Variants in RBBP8NL observed in about 807,000 individuals in gnomAD.
RBBP8NL encodes the protein RBBP8 N-terminal like, also known as RBBP8 N-terminal-like protein.
A neutral mutation model predicts 62.2 loss-of-function variants in RBBP8NL; 59 were observed. That is an observed-to-expected ratio of 0.95 (90% CI 0.77 to 1.18). RBBP8NL has a LOEUF of 1.18. Among genes scored for constraint, RBBP8NL ranks in the 50% most tolerant of loss-of-function variants. The pLI is 0.00. For missense variants in RBBP8NL, 896 were observed against 899.5 expected (o/e 1.00, Z 0.05); for synonymous variants, 412 against 394.1 (o/e 1.05, Z -0.54).
At chr20:62,424,816 A>G (rs1988773327) in intron 1 of RBBP8NL, among the ~76,000 whole-genome samples, 2 of 151,822 alleles carry the variant, frequency 1.3e-5, no homozygotes, top group African/African-American at 4.8e-5. Flanking sequence ...GGCCACTCAG[A>G]GGGGGCAGAG....
chr20:62,414,012 A>C lies in RBBP8NL; in HGVS notation c.1339T>G (p.Trp447Gly). ...ALDKPLDLSE[W>G]GRARGQDTPK... ...GTGTCCTGGCCCCGGGCCCGGCCCC[A>C]CTCCGAGAGGTCCAGGGGCTTGTCT... Residue 447 changes from tryptophan to glycine, a missense_variant, in exon 10 of 14, where the codon TGG becomes GGG. Trp to Gly is a radical substitution (Grantham distance 184, BLOSUM62 -2). Coordinates refer to ENST00000252998, the MANE Select transcript of RBBP8NL (RefSeq NM_080833.3). The C allele has an allele frequency of 2.5e-6, 4 of 1,579,830 alleles. No homozygotes were observed. The highest frequency in any genetic ancestry group is 3.4e-6 in the Non-Finnish European group (4 of 1,163,558).
intron 1 of RBBP8NL, among the ~76,000 whole-genome samples, chr20:62,423,333 T>G (rs1256155632): frequency 1.3e-5 from 2 of 152,180 alleles, no homozygotes; most frequent in Non-Finnish European, 2.9e-5. Context: ...TGGGTCTGCA[T>G]GCTCTGCCTG....
chr20:62,411,049 A>C, intron 13 of RBBP8NL, 53 bp from the exon 14 acceptor site: 1 of 1,246,360 alleles, frequency 8.0e-7, no homozygotes, highest in Non-Finnish European at 1.2e-6. Flanking sequence ...CCTTTGAGGC[A>C]ACACTGGCTC....
intron 5 of RBBP8NL, 58 bp from the exon 6 acceptor site, chr20:62,416,294 T>TGGGGTGGGGGGGGAGTGGGGCGGGGGG: frequency 1.9e-6 from 1 of 515,308 alleles, no homozygotes; most frequent in Non-Finnish European, 3.8e-6. Flanking sequence ...GGGGCAGGGG[T>TGGGGTGGGGGGGGAGTGGGGCGGGGGG]GGGGTCGTCA....
chr20:62,419,622 T>C lies in RBBP8NL; in HGVS notation c.26A>G (p.Asn9Ser). ...CTTCTCGTGGATCTCCTTCAGCCTG[T>C]TCAGCGACTCCATGAAGCTCTCCAT... MESFMESL[N>S]RLKEIHEKEV... The change falls in exon 2 of 14, where the codon AAC (asparagine) becomes AGC (serine). Residue 9 changes from asparagine (N) to serine (S), a missense_variant. Transcript: ENST00000252998. 6.2e-7 allele frequency: 1 copy of C among 1,613,536 alleles called. No individual in the cohort carries two copies. The highest frequency in any genetic ancestry group is 8.5e-7 in the Non-Finnish European group (1 of 1,179,932).
chr20:62,413,094 T>C (rs932104553), intron 11 of RBBP8NL, among the ~76,000 whole-genome samples, 194 bp from the exon 12 acceptor site: 1 of 152,262 alleles, frequency 6.6e-6, no homozygotes, highest in African/African-American at 2.4e-5. Flanking sequence ...TCCCCATCAG[T>C]TGGGGTTCCC....
intron 10 of RBBP8NL, 67 bp downstream of exon 10, chr20:62,413,754 G>A (rs559278199): frequency 2.0e-6 from 3 of 1,510,160 alleles, no homozygotes; most frequent in East Asian, 4.6e-5. Flanking sequence ...GGTCTGGGGG[G>A]AGGCCGGCCC....
chr20:62,426,143 CAGT>C (rs1294792219), intron 1 of RBBP8NL, among the ~76,000 whole-genome samples: 1 of 151,436 alleles, frequency 6.6e-6, no homozygotes, highest in African/African-American at 2.4e-5. Flanking sequence ...GCAGTGGTAG[CAGT>C]AGCAGTGGCA....
chr20:62,419,550 C>A (rs1442071533), intron 2 of RBBP8NL, 37 bp downstream of exon 2: 4 of 1,598,116 alleles, frequency 2.5e-6, no homozygotes, highest in African/African-American at 1.3e-5. Flanking sequence ...GCTGTGGAGA[C>A]CCCTCCCTAG....
At chr20:62,416,736 G>C in intron 5 of RBBP8NL, 24 bp downstream of exon 5, 1 of 1,523,626 alleles carries the variant, frequency 6.6e-7, no homozygotes, top group East Asian at 2.4e-5. Context: ...AGAGGACCCC[G>C]GTTGTCTGGT....
chr20:62,416,886 G>A lies in RBBP8NL; in HGVS notation c.201-14C>T. 1 of 1,536,152 alleles carries A rather than the reference G, an allele frequency of 6.5e-7. No homozygotes were observed. The highest frequency in any genetic ancestry group is 8.8e-7 in the Non-Finnish European group (1 of 1,138,898). On this transcript the variant is annotated splice_polypyrimidine_tract_variant and intron_variant, in intron 4 of 13. Coordinates refer to ENST00000252998, the MANE Select transcript of RBBP8NL (RefSeq NM_080833.3). ...CCGGCCCGCAGCCTGCAGGGATGGG[G>A]ACGCAGGGGGTGTGAGGGATGGCAC...
chr20:62,424,536 C>T (rs979243201), intron 1 of RBBP8NL, among the ~76,000 whole-genome samples: 2 of 152,156 alleles, frequency 1.3e-5, no homozygotes, highest in Admixed American at 1.3e-4. Flanking sequence ...CTCCTTAAAA[C>T]CAAGGGGCGA....
At chr20:62,414,689 T>A in intron 9 of RBBP8NL, 133 bp from the exon 10 acceptor site, 1 of 1,053,726 alleles carries the variant, frequency 9.5e-7, no homozygotes, top group Non-Finnish European at 1.3e-6. Flanking sequence ...TGCAGCAAGC[T>A]GCATGGGTCC....
chr20:62,415,368 C>T, intron 8 of RBBP8NL, 81 bp from the exon 9 acceptor site: 1 of 1,466,140 alleles, frequency 6.8e-7, no homozygotes, highest in South Asian at 1.3e-5. Flanking sequence ...TGCTGCCTGC[C>T]CTGGGCTGCT....
intron 11 of RBBP8NL, 82 bp from the exon 12 acceptor site, chr20:62,412,982 C>T (rs1988470279): frequency 6.7e-7 from 1 of 1,491,034 alleles, no homozygotes. Context: ...ATGGGTGGAG[C>T]CAACTCTGCA....
intron 2 of RBBP8NL, among the ~76,000 whole-genome samples, chr20:62,418,983 C>T (rs988509476): frequency 2.6e-5 from 4 of 152,074 alleles, no homozygotes; most frequent in South Asian, 2.1e-4. Context: ...GGAAAGACCA[C>T]GGGGAGGTGC....
chr20:62,416,941 T>C lies in RBBP8NL; in HGVS notation c.201-69A>G, dbSNP rs191359956. 599 of 1,209,050 alleles carry C rather than the reference T, an allele frequency of 5.0e-4. 3 individuals are homozygous for C. The African/African-American group carries it at 8.0e-3, about 16-fold the overall frequency. 74.9% of individuals were successfully genotyped at this position (1,209,050 alleles called of 1,614,324 possible). A position where few individuals can be genotyped will look rare whatever the true frequency, so the allele number is the denominator to read the frequency against. On this transcript the variant is annotated intron_variant, in intron 4 of 13. Coordinates refer to ENST00000252998, the MANE Select transcript of RBBP8NL (RefSeq NM_080833.3). ...GCCACAGAGGGCCTGGGACACTCAC[T>C]GCCCCACTGCTGGGAAGTGCCCCTG...
In RBBP8NL at chr20:62,422,014, C is replaced by A. The variant is rs539940998; in HGVS notation, c.-83-2284G>T. 5.3e-5 allele frequency among the ~76,000 whole-genome samples: 8 copies of A among 152,342 alleles called. No homozygotes were observed. In the South Asian group the frequency reaches 1.2e-3, roughly 24 times the overall value. ...CCTCCCTGCCTGGCCTCCTGCTCAA[C>A]CTTCCCTGAACCCCCTGCCTCCCCC... On this transcript the variant is annotated intron_variant, in intron 1 of 13. Transcript: ENST00000252998.
chr20:62,426,406 C>A (rs1287868876), intron 1 of RBBP8NL, among the ~76,000 whole-genome samples: 1 of 152,248 alleles, frequency 6.6e-6, no homozygotes, highest in Non-Finnish European at 1.5e-5. Context: ...CCTGGCTGCC[C>A]CTGTGGAACA....
Sources: gnomAD v4.1 joint callset for allele counts (sites outside exome capture counted in the v4.1 genomes callset) on GRCh38, gnomAD v4.1.1 for gene constraint, MANE v1.5 for transcripts, NCBI Gene and HGNC (gene_info 2026-07-23, HGNC 2026-07-21) for gene names.